The following ARHGAP6 variants were observed in gnomAD, a reference collection of about 807,000 sequenced individuals.
ARHGAP6 encodes Rho GTPase activating protein 6.
Under a neutral mutation model 55.7 loss-of-function variants are expected in ARHGAP6, and 16 were observed. The ratio of observed to expected loss-of-function variants is 0.29; its 90% CI spans 0.19 to 0.44. The LOEUF is 0.44. Among genes scored for constraint, ARHGAP6 ranks in the 20% least tolerant of loss-of-function variants. The probability of loss-of-function intolerance (pLI) is 1.00; values close to 1 mark genes in which losing one functional copy is unlikely to be tolerated. For synonymous variants in ARHGAP6, 382 were observed against 360.9 expected, an observed-to-expected ratio of 1.06 and a Z score of -0.66; for missense variants, 698 against 808.9, an observed-to-expected ratio of 0.86 and a Z score of 1.66.
At chrX:11,586,432 C>T (rs2051735447) in intron 1 of ARHGAP6, among the ~76,000 whole-genome samples, 1 of 111,585 alleles carries the variant, frequency 9.0e-6, no homozygotes, top group African/African-American at 3.3e-5. Context: ...ATAGGGAGTC[C>T]TTTCCCCATT....
At chrX:11,274,444 G>A (rs762728271) in intron 1 of ARHGAP6, among the ~76,000 whole-genome samples, 6 of 111,077 alleles carry the variant, frequency 5.4e-5, no homozygotes, top group Non-Finnish European at 1.1e-4. Flanking sequence ...AGTATGATCC[G>A]CAACACCTAA....
At chrX:11,308,421 C>T (rs1355832531) in intron 1 of ARHGAP6, among the ~76,000 whole-genome samples, 3 of 111,503 alleles carry the variant, frequency 2.7e-5, no homozygotes, top group Admixed American at 9.5e-5. Context: ...AACAACAAAA[C>T]CAAAGTTTTC....
At chrX:11,549,736 G>C (rs942545832) in intron 1 of ARHGAP6, among the ~76,000 whole-genome samples, 6 of 112,536 alleles carry the variant, frequency 5.3e-5, no homozygotes, top group Non-Finnish European at 9.4e-5. Context: ...TGTAGTCCAT[G>C]AACCAACATG....
intron 1 of ARHGAP6, among the ~76,000 whole-genome samples, chrX:11,517,812 C>T (rs1015514401): frequency 3.6e-5 from 4 of 109,833 alleles, no homozygotes; most frequent in African/African-American, 1.0e-4. Flanking sequence ...CACACTGGGG[C>T]CTGTCAGGTG....
intron 2 of ARHGAP6, chrX:11,223,168 A>G: frequency 5.6e-6 from 1 of 178,101 alleles, no homozygotes; most frequent in Non-Finnish European, 1.1e-5. Flanking sequence ...GACATTAAAA[A>G]GGGTCTTGCT....
intron 1 of ARHGAP6, among the ~76,000 whole-genome samples, chrX:11,461,661 C>T (rs1482928290): frequency 8.9e-6 from 1 of 112,262 alleles, no homozygotes; most frequent in Non-Finnish European, 1.9e-5. Flanking sequence ...ACCATCACAA[C>T]GAAGCTTTGG....
chrX:11,581,957 TATG>T (rs963773436), intron 1 of ARHGAP6, among the ~76,000 whole-genome samples: 1 of 111,621 alleles, frequency 9.0e-6, no homozygotes, highest in Non-Finnish European at 1.9e-5. Flanking sequence ...TAGCCGGAGA[TATG>T]ATGACTTACA....
At chrX:11,350,119 C>T (rs1419220601) in intron 1 of ARHGAP6, among the ~76,000 whole-genome samples, 1 of 111,797 alleles carries the variant, frequency 8.9e-6, no homozygotes, top group African/African-American at 3.3e-5. Flanking sequence ...GTCACTTAAC[C>T]CCTCTGGGCT....
chrX:11,437,620 C>T (rs902414414), intron 1 of ARHGAP6, among the ~76,000 whole-genome samples: 14 of 112,174 alleles, frequency 1.2e-4, no homozygotes, highest in African/African-American at 4.2e-4. Context: ...TCAGTCTGGT[C>T]CTGAGGGAAG....
chrX:11,642,622 T>A (rs2052486511), intron 1 of ARHGAP6, among the ~76,000 whole-genome samples: 1 of 112,361 alleles, frequency 8.9e-6, no homozygotes, highest in Non-Finnish European at 1.9e-5. Flanking sequence ...GGAATGAAGT[T>A]CAGATACATA....
intron 7 of ARHGAP6, 37 bp from the exon 8 acceptor site, chrX:11,178,285 G>T (rs187490441): frequency 3.4e-6 from 4 of 1,167,109 alleles, no homozygotes; most frequent in Middle Eastern, 2.5e-4. Context: ...AATAAAAGGG[G>T]AGCCCATACT....
chrX:11,236,176 C>T (rs1237108146), intron 2 of ARHGAP6, among the ~76,000 whole-genome samples: 2 of 111,930 alleles, frequency 1.8e-5, no homozygotes, highest in Middle Eastern at 4.7e-3. Flanking sequence ...GGGGAGGCCT[C>T]AGGAAACTTA....
intron 1 of ARHGAP6, among the ~76,000 whole-genome samples, chrX:11,345,068 A>G (rs1255301042): frequency 8.9e-6 from 1 of 112,547 alleles, no homozygotes; most frequent in East Asian, 2.8e-4. Flanking sequence ...GTTTATATTT[A>G]CTGTCTTTTA....
chrX:11,358,441 CTTTCTTT>C (rs2048961902), intron 1 of ARHGAP6, among the ~76,000 whole-genome samples: 4 of 68,662 alleles, frequency 5.8e-5, no homozygotes, highest in African/African-American at 1.3e-4. Flanking sequence ...ATCTTTCTTT[CTTTCTTT>C]CTTTCTTTCT....
rs1406289605 is a variant in ARHGAP6, at chrX:11,138,593, T to A, written c.*270A>T. 1 of 399,126 alleles carries A rather than the reference T, an allele frequency of 2.5e-6. No individual in the cohort carries two copies. The allele number at this position is 399,126 out of a possible 1,213,427, so 32.9% of individuals were successfully genotyped here. ...ACCAAGCAAGAGTTGTATCTTATAT[T>A]ATAGAGCCAAGAGGGACGTTTTTAG... On this transcript the variant is annotated 3_prime_UTR_variant, in exon 13 of 13. Coordinates refer to ENST00000337414, the MANE Select transcript of ARHGAP6 (RefSeq NM_013427.3).
intron 2 of ARHGAP6, among the ~76,000 whole-genome samples, chrX:11,246,407 T>C (rs2047353467): frequency 9.0e-6 from 1 of 111,728 alleles, no homozygotes; most frequent in African/African-American, 3.3e-5. Context: ...CTGGAGACAC[T>C]GGGGACAGTG....
At chrX:11,196,245 T>C (rs1350249389) in intron 3 of ARHGAP6, among the ~76,000 whole-genome samples, 1 of 111,557 alleles carries the variant, frequency 9.0e-6, no homozygotes, top group Non-Finnish European at 1.9e-5. Flanking sequence ...ACTTGTTAAC[T>C]CAAGTGAATA....
At chrX:11,320,219 T>C (rs1266883541) in intron 1 of ARHGAP6, among the ~76,000 whole-genome samples, 1 of 111,818 alleles carries the variant, frequency 8.9e-6, no homozygotes, top group Non-Finnish European at 1.9e-5. Flanking sequence ...AGGAACACAG[T>C]TCCTCAGATG....
intron 1 of ARHGAP6, among the ~76,000 whole-genome samples, chrX:11,590,836 GAAAA>G (rs2051805154): frequency 6.1e-5 from 2 of 32,714 alleles, no homozygotes; most frequent in East Asian, 1.9e-3. Flanking sequence ...GAAAAGAAAA[GAAAA>G]GAAAAGAAAA....
Sources: gnomAD v4.1 joint callset for allele counts (sites outside exome capture counted in the v4.1 genomes callset) on GRCh38, gnomAD v4.1.1 for gene constraint, MANE v1.5 for transcripts, NCBI Gene and HGNC (gene_info 2026-07-23, HGNC 2026-07-21) for gene names.